The following OR51B5 variants were observed in gnomAD, a reference collection of about 807,000 sequenced individuals.
OR51B5 encodes olfactory receptor 51B5.
For synonymous variants in OR51B5, 186 were observed against 144.8 expected (o/e 1.28, Z -2.04); for missense variants, 456 against 374.6 (o/e 1.22, Z -1.79).
chr11:5,461,134 G>A (rs993666679), intron 1 of OR51B5, among the ~76,000 whole-genome samples: 5 of 152,008 alleles, frequency 3.3e-5, no homozygotes, highest in Admixed American at 2.6e-4. Flanking sequence ...ATCACCCACT[G>A]ATGGGGTGGC....
At chr11:5,387,623 C>A (rs771606947) in intron 1 of OR51B5, among the ~76,000 whole-genome samples, 3 of 152,160 alleles carry the variant, frequency 2.0e-5, no homozygotes, top group Non-Finnish European at 4.4e-5. Context: ...TGCCACCATT[C>A]CCCACCTTGC....
At chr11:5,354,279 G>C (rs4910761) in intron 1 of OR51B5, among the ~76,000 whole-genome samples, 40,321 of 152,010 alleles carry the variant, frequency 0.27, 5,594 homozygotes, top group African/African-American at 0.31. Flanking sequence ...CCACATCAAA[G>C]AAAATCTTTC....
chr11:5,398,961 T>C (rs528942758), intron 1 of OR51B5, among the ~76,000 whole-genome samples: 1 of 152,292 alleles, frequency 6.6e-6, no homozygotes, highest in South Asian at 2.1e-4. Flanking sequence ...AGCCCTGCCT[T>C]CTGAAGCAGC....
intron 1 of OR51B5, among the ~76,000 whole-genome samples, chr11:5,463,814 A>G (rs1366857253): frequency 2.0e-5 from 3 of 152,222 alleles, no homozygotes; most frequent in African/African-American, 7.2e-5. Flanking sequence ...CAGGAGGGAT[A>G]TGTCAACATA....
At chr11:5,480,549 A>G (rs1398853808) in intron 1 of OR51B5, among the ~76,000 whole-genome samples, 1 of 151,454 alleles carries the variant, frequency 6.6e-6, no homozygotes, top group Non-Finnish European at 1.5e-5. Context: ...AAACCCTTCA[A>G]AAAATCAATG....
At chr11:5,344,334 CTTTTTCTTTTTAAATTA>C (rs1266196341), upstream of OR51B5, among the ~76,000 whole-genome samples, 1 of 152,162 alleles carries the variant, frequency 6.6e-6, no homozygotes, top group South Asian at 2.1e-4. Flanking sequence ...CAAGTAGTGT[CTTTTTCTTTTTAAATTA>C]TTTTTCTATA....
At chr11:5,472,081 C>A (rs1851237643) in intron 1 of OR51B5, among the ~76,000 whole-genome samples, 1 of 152,092 alleles carries the variant, frequency 6.6e-6, no homozygotes, top group African/African-American at 2.4e-5. Context: ...GAGTTAATCG[C>A]ACTGAGGCAT....
chr11:5,409,172 AGGAAGC>A (rs1850106210), intron 1 of OR51B5, among the ~76,000 whole-genome samples: 1 of 152,174 alleles, frequency 6.6e-6, no homozygotes, highest in South Asian at 2.1e-4. Context: ...TTAGGAAGCT[AGGAAGC>A]TAGGAAGCAA....
intron 1 of OR51B5, among the ~76,000 whole-genome samples, chr11:5,411,996 T>C (rs889705627): frequency 6.6e-6 from 1 of 152,224 alleles, no homozygotes; most frequent in Non-Finnish European, 1.5e-5. Flanking sequence ...TTCAGATTTC[T>C]GAACTACGGA....
intron 1 of OR51B5, among the ~76,000 whole-genome samples, chr11:5,434,984 T>C (rs545655409): frequency 1.3e-5 from 2 of 152,204 alleles, no homozygotes; most frequent in Non-Finnish European, 2.9e-5. Context: ...AAAGACTGAA[T>C]GGCAGATAGA....
At chr11:5,344,407 G>GTCTCTCATTTC (rs1848958235), upstream of OR51B5, among the ~76,000 whole-genome samples, 1 of 107,976 alleles carries the variant, frequency 9.3e-6, no homozygotes, top group Admixed American at 1.1e-4. Context: ...CTCATTTCAA[G>GTCTCTCATTTC]TTCTCCATTT....
downstream of OR51B5, among the ~76,000 whole-genome samples, chr11:5,341,676 A>C: frequency 6.6e-6 from 1 of 152,216 alleles, no homozygotes. Flanking sequence ...ATGTACAGAA[A>C]GCAATCATTC....
chr11:5,417,346 C>T lies in OR51B5; in HGVS notation n.85-70436G>A, dbSNP rs1400226714. 3.9e-5 allele frequency among the ~76,000 whole-genome samples: 6 copies of T among 152,000 alleles called. No homozygotes were observed. In the South Asian group the frequency reaches 1.0e-3, roughly 27 times the overall value. ...ACCCTAGAAGAAAACCTAGGCATTA[C>T]CATTCAGGACATAGGCAAGGGCAAG... is the stretch of plus-strand genomic sequence containing the variant. On this transcript the variant is annotated intron_variant and non_coding_transcript_variant, in intron 1 of 4. Transcript: ENST00000415970.
At chr11:5,419,457 C>T (rs1485549005) in intron 1 of OR51B5, among the ~76,000 whole-genome samples, 1 of 151,530 alleles carries the variant, frequency 6.6e-6, no homozygotes, top group African/African-American at 2.4e-5. Context: ...AAAAAACTTC[C>T]ATCTACACTG....
chr11:5,488,116 G>A (rs1231463467), intron 1 of OR51B5, among the ~76,000 whole-genome samples: 1 of 152,058 alleles, frequency 6.6e-6, no homozygotes, highest in Non-Finnish European at 1.5e-5. Context: ...AAAATGTCTA[G>A]GTACAAATAC....
At chr11:5,365,028 C>G (rs1849344451) in intron 1 of OR51B5, among the ~76,000 whole-genome samples, 1 of 152,172 alleles carries the variant, frequency 6.6e-6, no homozygotes, top group South Asian at 2.1e-4. Context: ...TCATTCTTGT[C>G]ACAGCAATGA....
chr11:5,343,065 C>G, exon 1 of OR51B5: 1 of 1,613,030 alleles, frequency 6.2e-7, no homozygotes. Flanking sequence ...GGGGGAACAA[C>G]GGATACAAAT....
At chr11:5,498,468 T>C (rs1284643988) in intron 1 of OR51B5, among the ~76,000 whole-genome samples, 1 of 152,188 alleles carries the variant, frequency 6.6e-6, no homozygotes, top group Non-Finnish European at 1.5e-5. Context: ...CCTGTCTTCA[T>C]ATGTATTATA....
intron 1 of OR51B5, among the ~76,000 whole-genome samples, chr11:5,428,812 C>T (rs1850488413): frequency 6.6e-6 from 1 of 152,176 alleles, no homozygotes; most frequent in Admixed American, 6.5e-5. Context: ...AACTAATCAC[C>T]TCCTTGTTCA....
Sources: allele counts gnomAD v4.1 joint callset (sites outside exome capture counted in the v4.1 genomes callset), GRCh38; gene constraint gnomAD v4.1.1; transcripts MANE v1.5; gene names NCBI Gene and HGNC (gene_info 2026-07-23, HGNC 2026-07-21).